Variants in SDK1 observed in about 807,000 individuals in gnomAD.
SDK1 encodes the protein sidekick cell adhesion molecule 1.
Under a neutral mutation model 245.5 loss-of-function variants are expected in SDK1, and 157 were observed. The observed-to-expected ratio is 0.64, with a 90% confidence interval of 0.56 to 0.73. SDK1 has a LOEUF of 0.73. SDK1 is among the 30% of genes least tolerant of loss of function. SDK1 has a pLI of 0.00. For missense variants in SDK1, 3,583 were observed against 3,002.3 expected (o/e 1.19, Z -4.52); for synonymous variants, 1,647 against 1,278.5 (o/e 1.29, Z -6.15).
At chr7:3,423,199 G>A (rs1016319513) in intron 1 of SDK1, among the ~76,000 whole-genome samples, 2 of 152,158 alleles carry the variant, frequency 1.3e-5, no homozygotes, top group African/African-American at 4.8e-5. Flanking sequence ...AAGCACAAAT[G>A]ATTACAACAA....
At chr7:3,512,998 T>G (rs1562532247) in intron 1 of SDK1, among the ~76,000 whole-genome samples, 1 of 152,184 alleles carries the variant, frequency 6.6e-6, no homozygotes, top group Non-Finnish European at 1.5e-5. Context: ...AAACCTCCCC[T>G]GTGTTTTGTG....
At chr7:4,261,824 G>A (rs1005616485) in intron 44 of SDK1, among the ~76,000 whole-genome samples, 14 of 151,972 alleles carry the variant, frequency 9.2e-5, no homozygotes, top group Admixed American at 7.2e-4. Flanking sequence ...GCGTCTTAGC[G>A]TTAGTTCCGC....
At chr7:3,595,135 T>G (rs16870900) in intron 1 of SDK1, among the ~76,000 whole-genome samples, 16,684 of 151,352 alleles carry the variant, frequency 0.11, 1,499 homozygotes, top group East Asian at 0.35. Context: ...TCCCGATTAC[T>G]TTTTTTTTGA....
At chr7:3,560,110 T>G (rs1342426220) in intron 1 of SDK1, among the ~76,000 whole-genome samples, 1 of 152,264 alleles carries the variant, frequency 6.6e-6, no homozygotes, top group African/African-American at 2.4e-5. Context: ...GAATTCTTCT[T>G]TGTATTAGGA....
At chr7:4,181,251 C>CGGGTTGT (rs1332672568) in intron 35 of SDK1, among the ~76,000 whole-genome samples, 3 of 152,212 alleles carry the variant, frequency 2.0e-5, no homozygotes, top group Admixed American at 6.5e-5. Context: ...GAGGTTCAAC[C>CGGGTTGT]GGGTTGTAGC....
intron 1 of SDK1, among the ~76,000 whole-genome samples, chr7:3,618,050 T>C (rs1781822777): frequency 6.6e-6 from 1 of 152,150 alleles, no homozygotes; most frequent in African/African-American, 2.4e-5. Context: ...TATAATCCTG[T>C]TTATTTTGCT....
chr7:3,881,048 T>A (rs1366443038), intron 5 of SDK1, among the ~76,000 whole-genome samples: 3 of 152,160 alleles, frequency 2.0e-5, no homozygotes, highest in Non-Finnish European at 4.4e-5. Flanking sequence ...TAATAAGATT[T>A]GGGAAAACAC....
intron 1 of SDK1, among the ~76,000 whole-genome samples, chr7:3,596,815 C>G (rs1021817681): frequency 2.6e-5 from 4 of 152,268 alleles, no homozygotes; most frequent in East Asian, 1.9e-4. Flanking sequence ...CTCATGCTGC[C>G]ACATCATCAG....
chr7:4,224,578 G>C (rs1785316034), intron 40 of SDK1, among the ~76,000 whole-genome samples: 1 of 152,056 alleles, frequency 6.6e-6, no homozygotes, highest in Non-Finnish European at 1.5e-5. Context: ...GATTTGGGTG[G>C]GGACACAGAG....
At chr7:3,448,632 T>G (rs1780416758) in intron 1 of SDK1, among the ~76,000 whole-genome samples, 1 of 152,208 alleles carries the variant, frequency 6.6e-6, no homozygotes, top group African/African-American at 2.4e-5. Flanking sequence ...TACTTCTATA[T>G]ATGGTGAGAT....
chr7:3,522,987 C>G (rs985526131), intron 1 of SDK1, among the ~76,000 whole-genome samples: 1 of 152,344 alleles, frequency 6.6e-6, no homozygotes, highest in Non-Finnish European at 1.5e-5. Flanking sequence ...TATAAAAACC[C>G]TCTTCAAGAC....
chr7:3,452,451 C>A (rs1006240640), intron 1 of SDK1, among the ~76,000 whole-genome samples: 2 of 152,038 alleles, frequency 1.3e-5, no homozygotes, highest in Non-Finnish European at 2.9e-5. Flanking sequence ...TATAAACATC[C>A]CTGTAATAAA....
intron 5 of SDK1, among the ~76,000 whole-genome samples, chr7:3,910,673 G>A (rs141827399): frequency 3.2e-3 from 492 of 152,206 alleles, no homozygotes; most frequent in African/African-American, 0.011. Flanking sequence ...AGAATGGGAC[G>A]TCCTCCTTTC....
At chr7:3,648,655 G>A (rs147272364) in intron 4 of SDK1, among the ~76,000 whole-genome samples, 8 of 152,296 alleles carry the variant, frequency 5.3e-5, no homozygotes, top group Admixed American at 1.3e-4. Context: ...CTTAATGCTC[G>A]AATGAAGTAG....
intron 40 of SDK1, among the ~76,000 whole-genome samples, chr7:4,223,500 T>C (rs1785253219): frequency 6.6e-6 from 1 of 152,306 alleles, no homozygotes; most frequent in African/African-American, 2.4e-5. Flanking sequence ...TTCTGGTGAT[T>C]ACAGGCCATC....
In SDK1 at chr7:3,462,486, C is replaced by G. The variant is rs113388797; in HGVS notation, c.299-156594C>G. On this transcript the variant is annotated intron_variant, in intron 1 of 44. Transcript: ENST00000404826. ...ATTCATGTACATAGTTTGAATTGTC[C>G]TTTTATGTAATATTATAGATGATTC... Among the ~76,000 whole-genome samples, 5 of 152,220 alleles carry G rather than the reference C, an allele frequency of 3.3e-5. 1 individual carries two copies. Among genetic ancestry groups the G allele is most frequent in the African/African-American group, 1.2e-4 (5 of 41,556 alleles).
At chr7:4,157,382 A>C (rs191124828) in intron 30 of SDK1, among the ~76,000 whole-genome samples, 3 of 78,222 alleles carry the variant, frequency 3.8e-5, no homozygotes, top group Admixed American at 1.1e-4. Flanking sequence ...GAAGGGAGAG[A>C]AGGAATGAGG....
In SDK1 at chr7:4,049,391, C is replaced by G; in HGVS notation, c.2646C>G (p.Asn882Lys). Residue 882 changes from asparagine to lysine, a missense_variant, in exon 18 of 45, where the codon AAC becomes AAG. Asn to Lys is a moderately conservative substitution (Grantham distance 94). Transcript: ENST00000404826. ...AGAACGTGCAGACGGAAGCCGTGAA[C>G]TCCACCACCATTCAGTTCCTGTGGA... ...PPQNVQTEAV[N>K]STTIQFLWNP... 6.2e-7 allele frequency: 1 copy of G among 1,614,166 alleles called. No homozygotes were observed. Among genetic ancestry groups the G allele is most frequent in the Non-Finnish European group, 8.5e-7 (1 of 1,180,032 alleles).
intron 1 of SDK1, among the ~76,000 whole-genome samples, chr7:3,597,491 G>A (rs1257296590): frequency 1.3e-5 from 2 of 152,104 alleles, no homozygotes; most frequent in African/African-American, 2.4e-5. Context: ...CCGGCGGCGG[G>A]GAGGCCACCT....
Sources: gnomAD v4.1 joint callset for allele counts (sites outside exome capture counted in the v4.1 genomes callset) on GRCh38, gnomAD v4.1.1 for gene constraint, MANE v1.5 for transcripts, NCBI Gene and HGNC (gene_info 2026-07-23, HGNC 2026-07-21) for gene names.